TTLL11: variants seen among roughly 807,000 people sequenced by gnomAD.
TTLL11 encodes the protein tubulin polyglutamylase TTLL11.
A neutral mutation model predicts 51.7 loss-of-function variants in TTLL11; 42 were observed. That is an observed-to-expected ratio of 0.81 (90% CI 0.64 to 1.05). The LOEUF (loss-of-function observed/expected upper bound fraction) is 1.05. TTLL11 is among the 50% of genes least tolerant of loss of function. The pLI is 0.00. For missense variants in TTLL11, 799 were observed against 940.4 expected (o/e 0.85, Z 1.97); for synonymous variants, 381 against 383.5 (o/e 0.99, Z 0.08).
intron 6 of TTLL11, among the ~76,000 whole-genome samples, chr9:121,928,144 C>G (rs1462499086): frequency 6.6e-6 from 1 of 152,114 alleles, no homozygotes; most frequent in East Asian, 1.9e-4. Context: ...CATGGCCATG[C>G]CTGTGATTCG....
chr9:122,045,640 GA>G (rs2131837414), intron 1 of TTLL11, among the ~76,000 whole-genome samples: 1 of 152,240 alleles, frequency 6.6e-6, no homozygotes, highest in African/African-American at 2.4e-5. Context: ...CCAAAATGTA[GA>G]AAAAGCCCAG....
In TTLL11 at chr9:121,890,771, A is replaced by AGGTGCATGAATGCATGAATG. The variant is rs533011684; in HGVS notation, c.1482-20043_1482-20024dup. On this transcript the variant is annotated intron_variant, in intron 6 of 8. Coordinates refer to ENST00000321582, the MANE Select transcript of TTLL11 (RefSeq NM_001139442.2). The surrounding 1 kb of genome is among the most constrained non-coding windows in gnomAD (Gnocchi z 4.3). ...AGTAAGTGCTCAATAAACACTGGCTAGGTGCATGAATGCATGAATGGGTGC... is the reference window on the plus strand; with the variant it reads ...AGTAAGTGCTCAATAAACACTGGCTAGGTGCATGAATGCATGAATGGGTGCATGAATGCATGAATGGGTGC... 3.9e-5 allele frequency among the ~76,000 whole-genome samples: 6 copies of AGGTGCATGAATGCATGAATG among 152,202 alleles called. No homozygotes were observed. Among genetic ancestry groups the AGGTGCATGAATGCATGAATG allele is most frequent in the African/African-American group, 1.4e-4 (6 of 41,454 alleles).
At chr9:121,876,391 G>A (rs182703294) in intron 6 of TTLL11, among the ~76,000 whole-genome samples, 1 of 152,324 alleles carries the variant, frequency 6.6e-6, no homozygotes, top group Non-Finnish European at 1.5e-5. Context: ...CATGTTCCAA[G>A]CACTCACATG....
At chr9:121,895,353 CGTGTGTGT>C (rs60918422) in intron 6 of TTLL11, among the ~76,000 whole-genome samples, 1 of 150,274 alleles carries the variant, frequency 6.7e-6, no homozygotes, top group Non-Finnish European at 1.5e-5. Flanking sequence ...TGGCTGTGTG[CGTGTGTGT>C]GTATTGTGTG....
intron 7 of TTLL11, among the ~76,000 whole-genome samples, chr9:121,867,571 A>G (rs1013540226): frequency 8.5e-5 from 13 of 152,220 alleles, no homozygotes; most frequent in Non-Finnish European, 8.8e-5. Context: ...CCAGCAATTT[A>G]GCCTAGATGA....
chr9:121,970,971 T>A (rs1317261257), intron 6 of TTLL11, among the ~76,000 whole-genome samples: 1 of 151,942 alleles, frequency 6.6e-6, no homozygotes, highest in Non-Finnish European at 1.5e-5. Context: ...AATGATAGAC[T>A]GGATAAAGAA....
intron 6 of TTLL11, chr9:121,885,564 G>A (rs567968307): frequency 6.6e-6 from 1 of 152,332 alleles, no homozygotes; most frequent in African/African-American, 2.4e-5. Flanking sequence ...GTTTCCATAA[G>A]AGACCGTTTC....
chr9:121,910,160 C>T (rs761036253), intron 6 of TTLL11, among the ~76,000 whole-genome samples: 3 of 152,244 alleles, frequency 2.0e-5, no homozygotes, highest in Non-Finnish European at 4.4e-5. Context: ...GAGCTGTGGT[C>T]TCCCTCGCTT....
rs139547185 is a variant in TTLL11, at chr9:122,030,018, A to G, written c.693+1705T>C. On this transcript the variant is annotated intron_variant, in intron 3 of 8. Coordinates refer to ENST00000321582, the MANE Select transcript of TTLL11 (RefSeq NM_001139442.2). ...GTATAGCCTGGATGTGTAGGAGCCT[A>G]TACCATCTAGGCTTGTGTAAGCACA... Among the ~76,000 whole-genome samples, 856 of 152,258 alleles carry G rather than the reference A, an allele frequency of 5.6e-3. 7 individuals are homozygous for G. The highest frequency in any genetic ancestry group is 0.019 in the African/African-American group (806 of 41,536).
At chr9:121,996,450 T>C (rs1843268024) in intron 3 of TTLL11, among the ~76,000 whole-genome samples, 1 of 151,566 alleles carries the variant, frequency 6.6e-6, no homozygotes, top group Non-Finnish European at 1.5e-5. Flanking sequence ...GAATCATCAC[T>C]ACACACACAC....
chr9:121,914,376 T>C (rs943221557), intron 6 of TTLL11, among the ~76,000 whole-genome samples: 12 of 152,298 alleles, frequency 7.9e-5, no homozygotes, highest in Admixed American at 2.6e-4. Context: ...TATACCATAA[T>C]AAGGAAATGA....
At chr9:122,074,228 C>T (rs1008909994) in intron 1 of TTLL11, among the ~76,000 whole-genome samples, 3 of 149,366 alleles carry the variant, frequency 2.0e-5, no homozygotes, top group Non-Finnish European at 3.0e-5. Flanking sequence ...GAGCCGAGAT[C>T]GTGCCACTGC....
intron 8 of TTLL11, among the ~76,000 whole-genome samples, chr9:121,847,811 C>T (rs1304094113): frequency 1.3e-5 from 2 of 152,142 alleles, no homozygotes; most frequent in Non-Finnish European, 2.9e-5. Context: ...GTGAGGCCAG[C>T]ATTACCCTAA....
chr9:122,069,166 C>A (rs1697377006), intron 1 of TTLL11, among the ~76,000 whole-genome samples: 1 of 151,524 alleles, frequency 6.6e-6, no homozygotes, highest in Admixed American at 6.5e-5. Context: ...CCTTTGTGTT[C>A]AACAAATCAA....
chr9:122,026,927 A>C (rs11496591), intron 3 of TTLL11, among the ~76,000 whole-genome samples: 43,204 of 149,462 alleles, frequency 0.29, 6,753 homozygotes, highest in African/African-American at 0.37. Flanking sequence ...AAAAAAAAAA[A>C]AAAACTAGCC....
intron 6 of TTLL11, among the ~76,000 whole-genome samples, chr9:121,970,357 G>C (rs535857031): frequency 6.6e-6 from 1 of 152,274 alleles, no homozygotes; most frequent in East Asian, 1.9e-4. Context: ...AAAGCAACTA[G>C]AACAAGAAAA....
intron 1 of TTLL11, among the ~76,000 whole-genome samples, chr9:122,076,341 C>T (rs1050230034): frequency 2.0e-5 from 3 of 152,138 alleles, no homozygotes; most frequent in Admixed American, 6.5e-5. Context: ...GTCCGGCCCC[C>T]GAGTGTCTGC....
At chr9:122,082,590 C>T (rs984993408) in intron 1 of TTLL11, among the ~76,000 whole-genome samples, 2 of 151,462 alleles carry the variant, frequency 1.3e-5, no homozygotes, top group African/African-American at 4.9e-5. Flanking sequence ...AAACAACATC[C>T]GTCAATAAAT....
intron 7 of TTLL11, among the ~76,000 whole-genome samples, chr9:121,867,715 C>A (rs1428021581): frequency 6.6e-6 from 1 of 152,124 alleles, no homozygotes; most frequent in Non-Finnish European, 1.5e-5. Flanking sequence ...TTCCACCAGG[C>A]AGAGGAAGCC....
Sources: gnomAD v4.1 joint callset for allele counts (sites outside exome capture counted in the v4.1 genomes callset) on GRCh38, gnomAD v4.1.1 for gene constraint, Gnocchi (gnomAD v3.1) non-coding constraint, MANE v1.5 for transcripts, NCBI Gene and HGNC (gene_info 2026-07-23, HGNC 2026-07-21) for gene names.